Variants in NCKAP5L observed in about 807,000 individuals in gnomAD.
NCKAP5L encodes the protein nck-associated protein 5-like.
NCKAP5L carries 54 observed loss-of-function variants against 103.2 expected under a neutral mutation model. The ratio of observed to expected loss-of-function variants is 0.52; its 90% confidence interval spans 0.42 to 0.66. The LOEUF (loss-of-function observed/expected upper bound fraction) is 0.66, where lower values mean the gene tolerates loss of function less well. Among genes scored for constraint, NCKAP5L ranks in the 30% least tolerant of loss-of-function variants. The probability of loss-of-function intolerance (pLI) is 0.00; values close to 1 mark genes in which losing one functional copy is unlikely to be tolerated. For synonymous variants in NCKAP5L, 762 were observed against 748.6 expected, an observed-to-expected ratio of 1.02 and a Z score of -0.29; for missense variants, 1,733 against 1,750.6, an observed-to-expected ratio of 0.99 and a Z score of 0.18.
At chr12:49,816,493 C>T (rs11169164) in intron 1 of NCKAP5L, among the ~76,000 whole-genome samples, 6,379 of 62,874 alleles carry the variant, frequency 0.1, 381 homozygotes, top group African/African-American at 0.26. Context: ...TCTCAACCCT[C>T]TCAAAAAAAA....
In NCKAP5L at chr12:49,795,754, C is replaced by T. The variant is rs1946027613; in HGVS notation, c.2106G>A (p.Gly702=). Residue 702 remains glycine (G), a synonymous_variant, in exon 8 of 13, where the codon GGG becomes GGA. Coordinates refer to ENST00000335999, the MANE Select transcript of NCKAP5L (RefSeq NM_001037806.4). ...AGGGCACCATGTCTCCAGCACTCTC[C>T]CCTGACTTCCCAGGTCCCCGGGTCT... is the stretch of plus-strand genomic sequence containing the variant. ...TEKTRGPGKS[G]ESAGDMVPSI... The T allele has an allele frequency of 6.3e-7, 1 of 1,597,448 alleles. No homozygotes were observed. The highest frequency in any genetic ancestry group is 2.3e-5 in the East Asian group (1 of 43,676).
chr12:49,794,396 G>A (rs952138266), intron 8 of NCKAP5L, among the ~76,000 whole-genome samples: 2 of 152,176 alleles, frequency 1.3e-5, no homozygotes, highest in African/African-American at 4.8e-5. Context: ...CAAAGGGCAA[G>A]ATGGGAAGAG....
In NCKAP5L at chr12:49,793,001, G is replaced by A. The variant is rs996211522; in HGVS notation, c.3341-15C>T. On this transcript the variant is annotated splice_polypyrimidine_tract_variant and intron_variant, in intron 10 of 12. Transcript: ENST00000335999. ...GGAGCCACAGGCTGGGGAGGGGAGG[G>A]GAGGGCCCGTTAAGAGTGTGAGGCT... 9.9e-6 allele frequency: 15 copies of A among 1,514,984 alleles called. No homozygotes were observed. Among genetic ancestry groups the A allele is most frequent in the Non-Finnish European group, 1.3e-5 (15 of 1,138,168 alleles). 93.8% of individuals were successfully genotyped at this position (1,514,984 alleles called of 1,614,324 possible). A position where few individuals can be genotyped will look rare whatever the true frequency, so the allele number is the denominator to read the frequency against.
At chr12:49,793,298 G>A in intron 10 of NCKAP5L, 54 bp downstream of exon 10, 2 of 1,535,018 alleles carry the variant, frequency 1.3e-6, no homozygotes, top group South Asian at 1.1e-5. Context: ...AAAGTGGGAA[G>A]AAGTGGGTAG....
At chr12:49,814,126 T>C (rs1310450194) in intron 1 of NCKAP5L, among the ~76,000 whole-genome samples, 1 of 150,388 alleles carries the variant, frequency 6.6e-6, no homozygotes, top group Non-Finnish European at 1.5e-5. Flanking sequence ...CAGAATTCTT[T>C]ACATATTCTA....
chr12:49,803,272 T>G, intron 3 of NCKAP5L, 107 bp from the exon 4 acceptor site: 1 of 1,030,324 alleles, frequency 9.7e-7, no homozygotes, highest in Non-Finnish European at 1.5e-6. Context: ...GGGTGCTAAC[T>G]ATACCCCCAC....
chr12:49,795,369 C>A lies in NCKAP5L; in HGVS notation c.2491G>T (p.Gly831Trp). The A allele has an allele frequency of 6.4e-7, 1 of 1,554,680 alleles. No individual in the cohort carries two copies. The highest frequency in any genetic ancestry group is 8.6e-7 in the Non-Finnish European group (1 of 1,156,306). ...KSPTKVVPRP[G>W]APLVTKESPK... The stretch of plus-strand genomic sequence containing the variant: ...GACTCCTTGGTGACTAGCGGAGCCC[C>A]AGGTCGAGGCACCACCTTGGTTGGT... Residue 831 changes from glycine (G) to tryptophan (W), a missense_variant, in exon 8 of 13, where the codon GGG (glycine) becomes TGG (tryptophan). Gly to Trp is a radical substitution (Grantham distance 184). Coordinates refer to ENST00000335999, the MANE Select transcript of NCKAP5L (RefSeq NM_001037806.4).
At chr12:49,810,383 A>G (rs1367553249) in intron 1 of NCKAP5L, among the ~76,000 whole-genome samples, 1 of 152,070 alleles carries the variant, frequency 6.6e-6, no homozygotes, top group African/African-American at 2.4e-5. Flanking sequence ...TCCAGTTCGA[A>G]CTCTGCAATT....
intron 8 of NCKAP5L, 21 bp from the exon 9 acceptor site, chr12:49,793,917 A>G: frequency 6.7e-7 from 1 of 1,483,368 alleles, no homozygotes; most frequent in Non-Finnish European, 9.0e-7. Context: ...CAGTGCAGAT[A>G]TAGGTGAGGG....
In NCKAP5L at chr12:49,803,408, C is replaced by T. The variant is rs1193337924; in HGVS notation, c.124-243G>A. 2.0e-5 allele frequency among the ~76,000 whole-genome samples: 3 copies of T among 152,152 alleles called. 1 individual carries two copies. In the South Asian group the frequency reaches 6.2e-4, roughly 32 times the overall value. On this transcript the variant is annotated intron_variant, in intron 3 of 12. Coordinates refer to ENST00000335999, the MANE Select transcript of NCKAP5L (RefSeq NM_001037806.4). ...CGACCTCAGTCAGTGGCAATGGGGG[C>T]TCTGGGGGATACAGTGGCCAAGTAG... is the stretch of plus-strand genomic sequence containing the variant.
chr12:49,800,176 C>T (rs1263444333), intron 6 of NCKAP5L, among the ~76,000 whole-genome samples: 1 of 152,252 alleles, frequency 6.6e-6, no homozygotes. Flanking sequence ...GCCTGGGCAA[C>T]AAGAGTGAAA....
chr12:49,803,883 T>C, intron 3 of NCKAP5L, 39 bp downstream of exon 3: 8 of 1,590,692 alleles, frequency 5.0e-6, no homozygotes, highest in Non-Finnish European at 5.1e-6. Context: ...CCCAGGGCTC[T>C]GGCTGGCACT....
At chr12:49,827,733 G>A (rs915030479) in intron 1 of NCKAP5L, among the ~76,000 whole-genome samples, 9 of 152,136 alleles carry the variant, frequency 5.9e-5, no homozygotes, top group Non-Finnish European at 1.3e-4. Context: ...CCTCCTTCCC[G>A]CAGCCCCTCA....
At chr12:49,820,677 ACTCAAGCAACTCC>A (rs1460391854) in intron 1 of NCKAP5L, among the ~76,000 whole-genome samples, 3 of 152,132 alleles carry the variant, frequency 2.0e-5, no homozygotes, top group Non-Finnish European at 4.4e-5. Context: ...TGCCTTCTGC[ACTCAAGCAACTCC>A]AGTGCTCAGC....
In NCKAP5L at chr12:49,797,137, C is replaced by A. The variant is rs148925484; in HGVS notation, c.723G>T (p.Ala241=). The A allele has an allele frequency of 6.2e-7, 1 of 1,604,894 alleles. No individual in the cohort carries two copies. Among genetic ancestry groups the A allele is most frequent in the Admixed American group, 1.7e-5 (1 of 58,404 alleles). ...GPPQPEPSPW[A]PCLLLGPGNL... Reference sequence around the variant, plus strand: ...TGCCAGGGCCTAGCAGCAGGCAGGGCGCCCAGGGTGAGGGTTCAGGCTGAG... The same window carrying A: ...TGCCAGGGCCTAGCAGCAGGCAGGGAGCCCAGGGTGAGGGTTCAGGCTGAG... The change falls in exon 8 of 13, where the codon GCG becomes GCT. Residue 241 remains alanine, a synonymous_variant. Transcript: ENST00000335999. The surrounding 1 kb of genome is among the most constrained non-coding windows in gnomAD (Gnocchi z 4.5).
intron 1 of NCKAP5L, among the ~76,000 whole-genome samples, chr12:49,814,925 T>C (rs1365799897): frequency 6.6e-6 from 1 of 152,250 alleles, no homozygotes; most frequent in Admixed American, 6.5e-5. Context: ...GGTCAACATT[T>C]TGGAGAATGT....
rs765798348 is a variant in NCKAP5L, at chr12:49,795,968, G to A, written c.1892C>T (p.Pro631Leu). ...KSLDKAGSES[P>L]HPGRRTPGNS... Reference sequence around the variant, plus strand: ...GCCTGGGGTCCTGCGGCCGGGATGGGGAGACTCCGAGCCTGCCTTGTCCAA... The same window carrying A: ...GCCTGGGGTCCTGCGGCCGGGATGGAGAGACTCCGAGCCTGCCTTGTCCAA... Residue 631 changes from proline to leucine, a missense_variant, in exon 8 of 13, where the codon CCC becomes CTC. Physicochemically the swap from Pro to Leu is moderately conservative, Grantham distance 98. Transcript: ENST00000335999. The A allele has an allele frequency of 3.9e-6, 6 of 1,535,462 alleles. No homozygotes were observed. The highest frequency in any genetic ancestry group is 5.2e-6 in the Non-Finnish European group (6 of 1,147,834).
At position 49,797,479 on chromosome 12, in the gene NCKAP5L, G is replaced by T; in HGVS notation, c.466-85C>A. 2 of 1,020,968 alleles carry T rather than the reference G, an allele frequency of 2.0e-6. No homozygotes were observed. The highest frequency in any genetic ancestry group is 2.8e-6 in the Non-Finnish European group (2 of 705,358). 63.2% of individuals were successfully genotyped at this position (1,020,968 alleles called of 1,614,324 possible). ...GCCCAGGCCCTGGGCTGGCTTAACA[G>T]GGAATGCCAGGAACAGAGCTGGCCT... On this transcript the variant is annotated intron_variant, in intron 7 of 12. Transcript: ENST00000335999. The surrounding 1 kb of genome is among the most constrained non-coding windows in gnomAD (Gnocchi z 4.5).
chr12:49,803,297 G>A, intron 3 of NCKAP5L, 132 bp from the exon 4 acceptor site: 2 of 825,280 alleles, frequency 2.4e-6, no homozygotes, highest in African/African-American at 1.7e-5. Context: ...GCTCTTGGCT[G>A]TGAGCAGATT....
Sources: gnomAD v4.1 joint callset for allele counts (sites outside exome capture counted in the v4.1 genomes callset) on GRCh38, gnomAD v4.1.1 for gene constraint, Gnocchi (gnomAD v3.1) non-coding constraint, MANE v1.5 for transcripts, NCBI Gene and HGNC (gene_info 2026-07-23, HGNC 2026-07-21) for gene names.